The following MBOAT2 variants were observed in gnomAD, a reference collection of about 807,000 sequenced individuals.
MBOAT2 encodes membrane-bound glycerophospholipid O-acyltransferase 2.
MBOAT2 carries 28 observed loss-of-function variants against 63.4 expected under a neutral mutation model. The observed-to-expected ratio is 0.44, with a 90% CI of 0.33 to 0.61. The LOEUF (loss-of-function observed/expected upper bound fraction) is 0.61, where lower values mean the gene tolerates loss of function less well. MBOAT2 is among the 20% of genes least tolerant of loss of function. The pLI is 0.03. For missense variants in MBOAT2, 470 were observed against 605.8 expected (o/e 0.78, Z 2.35); for synonymous variants, 211 against 215.6 (o/e 0.98, Z 0.19).
At chr2:8,871,727 A>G (rs376401880) in intron 8 of MBOAT2, among the ~76,000 whole-genome samples, 25 of 152,334 alleles carry the variant, frequency 1.6e-4, no homozygotes, top group African/African-American at 5.3e-4. Flanking sequence ...CTGTATGATG[A>G]AAGACTGAAA....
At chr2:8,861,720 C>T (rs1046008650) in intron 11 of MBOAT2, among the ~76,000 whole-genome samples, 2 of 152,180 alleles carry the variant, frequency 1.3e-5, no homozygotes, top group African/African-American at 4.8e-5. Flanking sequence ...ATTAACCCAA[C>T]CCAAAGAGAC....
At chr2:8,936,811 GAAAAAGAAAAGAAAA>G (rs1250547339) in intron 3 of MBOAT2, among the ~76,000 whole-genome samples, 5 of 135,388 alleles carry the variant, frequency 3.7e-5, no homozygotes, top group South Asian at 4.7e-4. Context: ...AAAAAGAAAA[GAAAAAGAAAAGAAAA>G]AAAAAGAAAG....
At chr2:8,949,536 T>C (rs1344489743) in intron 2 of MBOAT2, among the ~76,000 whole-genome samples, 1 of 152,038 alleles carries the variant, frequency 6.6e-6, no homozygotes, top group Non-Finnish European at 1.5e-5. Flanking sequence ...AAGGTAGGGG[T>C]CCAGTTTCAT....
At chr2:8,930,015 T>C (rs1667206763) in intron 3 of MBOAT2, among the ~76,000 whole-genome samples, 1 of 152,188 alleles carries the variant, frequency 6.6e-6, no homozygotes, top group South Asian at 2.1e-4. Flanking sequence ...CTAAAAGGAA[T>C]GTTAAAAGCC....
chr2:8,971,756 TCCCATTCACAA>T (rs1396477212), intron 1 of MBOAT2, among the ~76,000 whole-genome samples: 8 of 152,078 alleles, frequency 5.3e-5, no homozygotes, highest in African/African-American at 1.9e-4. Context: ...ATGAGTGAAC[TCCCATTCACAA>T]TTGCTTCAAA....
At chr2:8,958,396 A>T (rs1289842641) in intron 2 of MBOAT2, 101 bp downstream of exon 2, 1 of 1,186,436 alleles carries the variant, frequency 8.4e-7, no homozygotes, top group Non-Finnish European at 1.1e-6. Context: ...TTTTTAAGTA[A>T]ATATAAGAAC....
At chr2:8,927,154 G>A (rs1334907540) in intron 3 of MBOAT2, among the ~76,000 whole-genome samples, 2 of 152,236 alleles carry the variant, frequency 1.3e-5, no homozygotes, top group African/African-American at 4.8e-5. Context: ...TGAGCAGGGC[G>A]AGACACGGGG....
rs560504086 is a variant in MBOAT2 at position 8,892,924 on chromosome 2, G to A, written c.396-4851C>T. ...CAGGACACCGGATCCAGCAGGCTCT[G>A]CAGAGCGAGGACACAGGCTTGGATC... On this transcript the variant is annotated intron_variant, in intron 4 of 12. Coordinates refer to ENST00000305997, the MANE Select transcript of MBOAT2 (RefSeq NM_138799.4). Among the ~76,000 whole-genome samples, 248 of 152,268 alleles carry A rather than the reference G, an allele frequency of 1.6e-3. 1 individual carries two copies. Among genetic ancestry groups the A allele is most frequent in the African/African-American group, 5.3e-3 (219 of 41,548 alleles).
chr2:8,964,624 T>G (rs1456189711), intron 1 of MBOAT2, among the ~76,000 whole-genome samples: 1 of 152,248 alleles, frequency 6.6e-6, no homozygotes, highest in Admixed American at 6.5e-5. Flanking sequence ...TATATTTCAT[T>G]GTGTTAATAC....
intron 2 of MBOAT2, among the ~76,000 whole-genome samples, chr2:8,956,142 A>G (rs1669211106): frequency 6.6e-6 from 1 of 152,228 alleles, no homozygotes; most frequent in African/African-American, 2.4e-5. Flanking sequence ...AACATCTCTG[A>G]GGCATGCCTG....
At chr2:8,989,185 C>T (rs762620465) in intron 1 of MBOAT2, among the ~76,000 whole-genome samples, 9 of 152,042 alleles carry the variant, frequency 5.9e-5, no homozygotes, top group African/African-American at 1.7e-4. Flanking sequence ...TTGATGAGCC[C>T]CTATTTCAGG....
rs966316644 is a variant in MBOAT2, at chr2:8,856,439, T to C, written c.*2240A>G. ...TCTTAATTTGTTCACTTTCTCTTAA[T>C]AGCAGTCGGATTCTCTGCAACATTA... On this transcript the variant is annotated 3_prime_UTR_variant, in exon 13 of 13. Coordinates refer to ENST00000305997, the MANE Select transcript of MBOAT2 (RefSeq NM_138799.4). This position sits in a 1 kb window ranked among gnomAD's most constrained non-coding sequence, Gnocchi z 4.2. 6.6e-6 allele frequency: 1 copy of C among 152,200 alleles called. No homozygotes were observed. The highest frequency in any genetic ancestry group is 1.5e-5 in the Non-Finnish European group (1 of 68,030). The allele number at this position is 152,200 out of a possible 1,614,324, so 9.4% of individuals were successfully genotyped here. A position where few individuals can be genotyped will look rare whatever the true frequency, so the allele number is the denominator to read the frequency against.
chr2:8,912,373 GAGAAAGAA>G (rs139345161), intron 3 of MBOAT2, among the ~76,000 whole-genome samples: 1,601 of 83,978 alleles, frequency 0.019, 77 homozygotes, highest in Middle Eastern at 0.034. Context: ...AAGAAAGAAA[GAGAAAGAA>G]AGAAAGAAAG....
intron 7 of MBOAT2, 141 bp downstream of exon 7, chr2:8,876,889 G>T: frequency 1.4e-6 from 1 of 730,918 alleles, no homozygotes; most frequent in Non-Finnish European, 2.2e-6. Context: ...ACTTCTACCA[G>T]GTGCAGTGTG....
chr2:8,929,474 C>T (rs1457484562), intron 3 of MBOAT2, among the ~76,000 whole-genome samples: 3 of 152,212 alleles, frequency 2.0e-5, no homozygotes, highest in Non-Finnish European at 4.4e-5. Context: ...GCCTCAGCCC[C>T]CCAAGTAGCT....
At chr2:8,917,166 G>A (rs1235878653) in intron 3 of MBOAT2, among the ~76,000 whole-genome samples, 1 of 152,142 alleles carries the variant, frequency 6.6e-6, no homozygotes, top group Non-Finnish European at 1.5e-5. Context: ...AACTAGAACT[G>A]TAAAACTTCT....
intron 1 of MBOAT2, among the ~76,000 whole-genome samples, chr2:8,964,853 T>A (rs576417808): frequency 6.6e-6 from 1 of 152,342 alleles, no homozygotes; most frequent in South Asian, 2.1e-4. Flanking sequence ...GGATGAACAT[T>A]TTTCTTATGT....
At chr2:8,910,671 A>G (rs1665651160) in intron 3 of MBOAT2, among the ~76,000 whole-genome samples, 1 of 152,228 alleles carries the variant, frequency 6.6e-6, no homozygotes, top group Admixed American at 6.5e-5. Flanking sequence ...GTGTTGTCAC[A>G]CAGCACCCCA....
At chr2:8,887,481 C>T (rs951427372) in intron 5 of MBOAT2, among the ~76,000 whole-genome samples, 3 of 152,180 alleles carry the variant, frequency 2.0e-5, no homozygotes, top group Non-Finnish European at 4.4e-5. Flanking sequence ...ATACAAATGA[C>T]CATTCTAACA....
Sources: allele counts gnomAD v4.1 joint callset (sites outside exome capture counted in the v4.1 genomes callset), GRCh38; gene constraint gnomAD v4.1.1; non-coding constraint Gnocchi (gnomAD v3.1); transcripts MANE v1.5; gene names NCBI Gene and HGNC (gene_info 2026-07-23, HGNC 2026-07-21).